Variants in MCF2L2 observed in about 807,000 individuals in gnomAD.
MCF2L2 encodes probable guanine nucleotide exchange factor MCF2L2.
A neutral mutation model predicts 150.2 loss-of-function variants in MCF2L2; 102 were observed. The ratio of observed to expected loss-of-function variants is 0.68; its 90% CI spans 0.58 to 0.80. MCF2L2 has a LOEUF of 0.80. Ranked by LOEUF, MCF2L2 falls within the 30% of genes least tolerant of loss-of-function variation. The pLI is 0.00. For synonymous variants in MCF2L2, 465 were observed against 491.3 expected (o/e 0.95, Z 0.71); for missense variants, 1,256 against 1,372.8 (o/e 0.91, Z 1.34).
At chr3:183,271,109 C>A in intron 15 of MCF2L2, 1 of 528,990 alleles carries the variant, frequency 1.9e-6, no homozygotes. Context: ...CACTTATCTA[C>A]TTCATTGCCT....
At chr3:183,362,082 C>T (rs1712242118) in intron 3 of MCF2L2, among the ~76,000 whole-genome samples, 1 of 151,780 alleles carries the variant, frequency 6.6e-6, no homozygotes, top group Admixed American at 6.6e-5. Context: ...AATCTGAAAA[C>T]ATCTGAAATA....
At chr3:183,333,009 T>C (rs1322509553) in intron 5 of MCF2L2, among the ~76,000 whole-genome samples, 1 of 152,088 alleles carries the variant, frequency 6.6e-6, no homozygotes, top group Non-Finnish European at 1.5e-5. Context: ...ATGGCAAGTC[T>C]TCACTGAGAT....
At chr3:183,342,620 ATGTGTGTGTGTGTGTGTGTG>A (rs57683720) in intron 3 of MCF2L2, among the ~76,000 whole-genome samples, 4,281 of 142,968 alleles carry the variant, frequency 0.03, 178 homozygotes, top group African/African-American at 0.096. Flanking sequence ...TGAAGATTAA[ATGTGTGTGTGTGTGTGTGTG>A]TGTGTGTGTG....
chr3:183,185,207 C>T (rs375890077), intron 27 of MCF2L2, among the ~76,000 whole-genome samples: 18 of 152,222 alleles, frequency 1.2e-4, no homozygotes, highest in South Asian at 2.1e-4. Context: ...CGTAAGCCAC[C>T]GCGCTTGGCC....
chr3:183,340,836 G>C (rs1197754136), intron 4 of MCF2L2, among the ~76,000 whole-genome samples: 1 of 152,292 alleles, frequency 6.6e-6, no homozygotes, highest in Non-Finnish European at 1.5e-5. Context: ...TCAGCTACTT[G>C]GGAGGCTGAG....
At chr3:183,279,179 A>G (rs1017210012) in intron 14 of MCF2L2, among the ~76,000 whole-genome samples, 1 of 152,068 alleles carries the variant, frequency 6.6e-6, no homozygotes, top group Non-Finnish European at 1.5e-5. Context: ...ACACACATAC[A>G]CACACACATT....
intron 1 of MCF2L2, among the ~76,000 whole-genome samples, chr3:183,412,280 TTTGTTTGTTTGTTG>T (rs1441554342): frequency 1.4e-5 from 2 of 145,976 alleles, no homozygotes; most frequent in African/African-American, 5.5e-5. Flanking sequence ...TAATTGTTTG[TTTGTTTGTTTGTTG>T]TTGTTGTTGT....
chr3:183,336,945 C>T (rs575996671), intron 5 of MCF2L2, among the ~76,000 whole-genome samples: 1 of 151,868 alleles, frequency 6.6e-6, no homozygotes, highest in African/African-American at 2.4e-5. Context: ...ACCCCTCATC[C>T]CTAACAGCAG....
At chr3:183,279,874 CA>C (rs1397702012) in intron 14 of MCF2L2, among the ~76,000 whole-genome samples, 1 of 152,132 alleles carries the variant, frequency 6.6e-6, no homozygotes, top group Non-Finnish European at 1.5e-5. Flanking sequence ...ACTAAAAATA[CA>C]AAAATTAGCC....
At chr3:183,256,031 G>A (rs1289262955) in intron 15 of MCF2L2, among the ~76,000 whole-genome samples, 1 of 152,164 alleles carries the variant, frequency 6.6e-6, no homozygotes, top group Non-Finnish European at 1.5e-5. Flanking sequence ...AAGAAACTGG[G>A]AGAAATTCAG....
At chr3:183,254,316 C>A (rs1356089895) in intron 15 of MCF2L2, 2 of 151,972 alleles carry the variant, frequency 1.3e-5, no homozygotes, top group Admixed American at 6.6e-5. Flanking sequence ...GGACCGCGCA[C>A]GGCCCAGCGC....
At chr3:183,363,167 C>A (rs985813460) in intron 3 of MCF2L2, among the ~76,000 whole-genome samples, 26 of 152,156 alleles carry the variant, frequency 1.7e-4, no homozygotes, top group Admixed American at 1.6e-3. Flanking sequence ...CAAAGAGCAA[C>A]AGGAACTCTC....
chr3:183,423,338 T>C (rs931829711), intron 1 of MCF2L2, among the ~76,000 whole-genome samples: 1 of 152,234 alleles, frequency 6.6e-6, no homozygotes, highest in Non-Finnish European at 1.5e-5. Context: ...CAATGTTGAC[T>C]GTGTCCCAGA....
At chr3:183,253,063 G>C (rs181929017) in intron 15 of MCF2L2, among the ~76,000 whole-genome samples, 3 of 152,206 alleles carry the variant, frequency 2.0e-5, no homozygotes, top group South Asian at 2.1e-4. Flanking sequence ...ACTGACGAGC[G>C]GCAGGGAAAC....
At chr3:183,413,628 C>G (rs1328337022) in intron 1 of MCF2L2, among the ~76,000 whole-genome samples, 9 of 152,216 alleles carry the variant, frequency 5.9e-5, no homozygotes. Context: ...ACCCCCAACT[C>G]AGCTCCCTGA....
intron 10 of MCF2L2, among the ~76,000 whole-genome samples, chr3:183,302,687 C>T (rs1198312608): frequency 6.6e-6 from 1 of 152,096 alleles, no homozygotes; most frequent in Non-Finnish European, 1.5e-5. Context: ...ACCAAACTAG[C>T]TCCTGACTCG....
chr3:183,189,581 C>T (rs1419451258), intron 27 of MCF2L2, among the ~76,000 whole-genome samples: 3 of 152,118 alleles, frequency 2.0e-5, no homozygotes, highest in African/African-American at 7.2e-5. Context: ...TCTTTGTCCT[C>T]ATGCCAGGAG....
intron 1 of MCF2L2, among the ~76,000 whole-genome samples, chr3:183,412,641 A>G (rs1264212628): frequency 6.6e-6 from 1 of 152,182 alleles, no homozygotes; most frequent in Non-Finnish European, 1.5e-5. Context: ...GATTTTCTAT[A>G]TACAAGATCA....
chr3:183,324,216 G>C (rs1321630225), intron 5 of MCF2L2, among the ~76,000 whole-genome samples: 1 of 152,180 alleles, frequency 6.6e-6, no homozygotes, highest in East Asian at 1.9e-4. Flanking sequence ...AGGTGACAGG[G>C]CATTGGGTTT....
Sources: gnomAD v4.1 joint callset for allele counts (sites outside exome capture counted in the v4.1 genomes callset) on GRCh38, gnomAD v4.1.1 for gene constraint, MANE v1.5 for transcripts, NCBI Gene and HGNC (gene_info 2026-07-23, HGNC 2026-07-21) for gene names.